METTL9: variants seen among roughly 807,000 people sequenced by gnomAD.
METTL9 encodes the protein methyltransferase 9, His-X-His N1(pi)-histidine.
In METTL9, 10 loss-of-function variants were observed where a neutral mutation model predicts 36.0. The ratio of observed to expected loss-of-function variants is 0.28; its 90% CI spans 0.17 to 0.47. The LOEUF (loss-of-function observed/expected upper bound fraction) is 0.47, where lower values mean the gene tolerates loss of function less well. Among genes scored for constraint, METTL9 ranks in the 20% least tolerant of loss-of-function variants. METTL9 has a pLI of 0.99. For synonymous variants in METTL9, 175 were observed against 149.7 expected (o/e 1.17, Z -1.23); for missense variants, 246 against 383.5 (o/e 0.64, Z 3.00).
intron 1 of METTL9, among the ~76,000 whole-genome samples, chr16:21,608,641 G>T (rs1965351505): frequency 6.6e-6 from 1 of 152,122 alleles, no homozygotes; most frequent in South Asian, 2.1e-4. Context: ...GACATTTTGG[G>T]CTGTCATTTG....
chr16:21,615,528 C>T (rs536653140), intron 2 of METTL9, among the ~76,000 whole-genome samples: 14 of 152,270 alleles, frequency 9.2e-5, no homozygotes, highest in African/African-American at 3.4e-4. Context: ...CATGCCCAGC[C>T]TCTAGTGCCT....
At chr16:21,611,514 G>C (rs1965424149) in intron 1 of METTL9, among the ~76,000 whole-genome samples, 2 of 152,186 alleles carry the variant, frequency 1.3e-5, no homozygotes, top group South Asian at 4.1e-4. Flanking sequence ...GATATACTTT[G>C]TAGTTTCATC....
intron 4 of METTL9, chr16:21,646,303 A>G (rs1966428648): frequency 1.3e-5 from 2 of 152,186 alleles, no homozygotes; most frequent in African/African-American, 2.4e-5. Flanking sequence ...AGTGAGAGTC[A>G]TCACTTTCCG....
chr16:21,610,531 T>C lies in METTL9; in HGVS notation c.166-2114T>C, dbSNP rs149038359. ...AGAGAAGAGCTTTGCTCTATTTTTG[T>C]TCTGTAGCACATTCTGTTCAATAAG... On this transcript the variant is annotated intron_variant, in intron 1 of 4. Coordinates refer to ENST00000358154, the MANE Select transcript of METTL9 (RefSeq NM_016025.5). 6.9e-4 allele frequency among the ~76,000 whole-genome samples: 105 copies of C among 152,380 alleles called. 1 individual carries two copies. In the East Asian group the frequency reaches 0.017, roughly 24 times the overall value.
At chr16:21,625,744 C>T (rs1019068171) in intron 4 of METTL9, among the ~76,000 whole-genome samples, 1 of 152,058 alleles carries the variant, frequency 6.6e-6, no homozygotes, top group Non-Finnish European at 1.5e-5. Flanking sequence ...GACTTAATGC[C>T]ACATTAAGTT....
chr16:21,648,263 G>T (rs563800749), intron 4 of METTL9, among the ~76,000 whole-genome samples: 1 of 152,258 alleles, frequency 6.6e-6, no homozygotes, highest in African/African-American at 2.4e-5. Flanking sequence ...ACAGACTTGA[G>T]TTCAAATCCT....
chr16:21,646,629 T>C (rs1458854921), intron 4 of METTL9: 1 of 208,798 alleles, frequency 4.8e-6, no homozygotes, highest in Non-Finnish European at 9.9e-6. Context: ...GACTTTGTGT[T>C]AGTGGATGTT....
At chr16:21,647,498 G>A (rs1567347395) in intron 4 of METTL9, 2 of 1,603,992 alleles carry the variant, frequency 1.2e-6, no homozygotes, top group East Asian at 2.2e-5. Context: ...AGCACCTGTG[G>A]GAGGAAGCAG....
At chr16:21,650,982 G>A (rs989196451) in intron 4 of METTL9, among the ~76,000 whole-genome samples, 4 of 152,206 alleles carry the variant, frequency 2.6e-5, no homozygotes, top group African/African-American at 9.6e-5. Context: ...CCAGCATTAT[G>A]GGAGGCCGAG....
chr16:21,613,162 A>G (rs1965470020), intron 2 of METTL9, among the ~76,000 whole-genome samples: 3 of 110,604 alleles, frequency 2.7e-5, no homozygotes, highest in Admixed American at 1.1e-4. Context: ...TAGGTCTGAG[A>G]GTCTGCTTTT....
chr16:21,607,940 G>A (rs1965331686), intron 1 of METTL9, among the ~76,000 whole-genome samples: 1 of 152,154 alleles, frequency 6.6e-6, no homozygotes, highest in Non-Finnish European at 1.5e-5. Context: ...CCTGAGGTCA[G>A]GAGATCAAGA....
At chr16:21,627,870 G>A (rs527238650) in intron 4 of METTL9, among the ~76,000 whole-genome samples, 9 of 152,206 alleles carry the variant, frequency 5.9e-5, no homozygotes, top group South Asian at 4.1e-4. Context: ...GGAGAACGGC[G>A]TGAACCCAGG....
chr16:21,613,516 G>A (rs958817761), intron 2 of METTL9, among the ~76,000 whole-genome samples: 19 of 152,132 alleles, frequency 1.2e-4, no homozygotes, highest in Non-Finnish European at 2.1e-4. Flanking sequence ...CGATGCCAGT[G>A]ATGCTGAATG....
intron 1 of METTL9, among the ~76,000 whole-genome samples, chr16:21,611,762 A>T (rs1352897300): frequency 6.6e-6 from 1 of 152,212 alleles, no homozygotes; most frequent in Non-Finnish European, 1.5e-5. Flanking sequence ...TAGGAAGGGC[A>T]GAGCCGGGAC....
intron 4 of METTL9, among the ~76,000 whole-genome samples, chr16:21,646,092 C>T (rs913392726): frequency 3.3e-5 from 5 of 151,976 alleles, no homozygotes; most frequent in African/African-American, 9.7e-5. Flanking sequence ...CCCAACAAGG[C>T]GAGGAGTTGC....
intron 1 of METTL9, among the ~76,000 whole-genome samples, chr16:21,600,763 T>A (rs1355723197): frequency 6.6e-6 from 1 of 152,230 alleles, no homozygotes; most frequent in East Asian, 1.9e-4. Flanking sequence ...CTTAACATAG[T>A]TTGCAGTTAA....
chr16:21,605,851 T>C (rs1965272560), intron 1 of METTL9, among the ~76,000 whole-genome samples: 1 of 152,084 alleles, frequency 6.6e-6, no homozygotes, highest in African/African-American at 2.4e-5. Flanking sequence ...CTACCTGGAG[T>C]TAGGGTCACG....
At chr16:21,638,390 G>T (rs1966160712) in intron 4 of METTL9, among the ~76,000 whole-genome samples, 1 of 152,174 alleles carries the variant, frequency 6.6e-6, no homozygotes, top group African/African-American at 2.4e-5. Flanking sequence ...GTACTGTTGG[G>T]GTTTGTTGAA....
At chr16:21,617,214 C>T (rs560014082) in intron 2 of METTL9, among the ~76,000 whole-genome samples, 1 of 150,780 alleles carries the variant, frequency 6.6e-6, no homozygotes, top group Non-Finnish European at 1.5e-5. Flanking sequence ...GGCAGGAGAT[C>T]GAGACCATCC....
Sources: gnomAD v4.1 joint callset for allele counts (sites outside exome capture counted in the v4.1 genomes callset) on GRCh38, gnomAD v4.1.1 for gene constraint, MANE v1.5 for transcripts, NCBI Gene and HGNC (gene_info 2026-07-23, HGNC 2026-07-21) for gene names.